ERCC6: variants seen among roughly 807,000 people sequenced by gnomAD.
ERCC6 encodes ERCC excision repair 6, chromatin remodeling factor.
ERCC6 carries 116 observed loss-of-function variants against 158.7 expected under a neutral mutation model. That is an observed-to-expected ratio of 0.73 (90% CI 0.63 to 0.85). The LOEUF is 0.85. Among genes scored for constraint, ERCC6 ranks in the 40% least tolerant of loss-of-function variants. The probability of loss-of-function intolerance (pLI) is 0.00; values close to 1 mark genes in which losing one functional copy is unlikely to be tolerated. For missense variants in ERCC6, 1,698 were observed against 1,799.4 expected, an observed-to-expected ratio of 0.94 and a Z score of 1.02; for synonymous variants, 678 against 659.3, an observed-to-expected ratio of 1.03 and a Z score of -0.43.
At chr10:49,478,559 A>G in intron 10 of ERCC6, 89 bp from the exon 11 acceptor site, 1 of 813,752 alleles carries the variant, frequency 1.2e-6, no homozygotes, top group South Asian at 1.4e-5. Context: ...TTCCTTAAAA[A>G]AAAAAAAAGA....
rs1850750362 is a variant in ERCC6, at chr10:49,470,302, T to C, written c.3658A>G (p.Thr1220Ala). 4 of 1,614,114 alleles carry C rather than the reference T, an allele frequency of 2.5e-6. No homozygotes were observed. Among genetic ancestry groups the C allele is most frequent in the Non-Finnish European group, 3.4e-6 (4 of 1,180,018 alleles). ...KHCRDAKFEG[T>A]RIPHLVKKRR... The stretch of plus-strand genomic sequence containing the variant: ...TTCTTCACCAGGTGTGGAATTCGAG[T>C]TCCTTCAAACTTGGCGTCTCTGCAA... The change falls in exon 18 of 21, where the codon ACT becomes GCT. Residue 1220 changes from threonine to alanine, a missense_variant. Physicochemically the swap from Thr to Ala is moderately conservative, Grantham distance 58 (BLOSUM62 0). Transcript: ENST00000355832.
chr10:49,462,039 G>C (rs1267500603), intron 18 of ERCC6, among the ~76,000 whole-genome samples: 1 of 152,116 alleles, frequency 6.6e-6, no homozygotes. Flanking sequence ...TATGAAGCTA[G>C]ACAAACTGAC....
At chr10:49,475,536 A>C (rs1850862265) in intron 12 of ERCC6, 1 of 383,110 alleles carries the variant, frequency 2.6e-6, no homozygotes, top group Non-Finnish European at 5.2e-6. Flanking sequence ...AAATTGTGAG[A>C]GATGGTTAAA....
intron 4 of ERCC6, among the ~76,000 whole-genome samples, chr10:49,526,102 T>C (rs1479259644): frequency 9.7e-6 from 1 of 102,794 alleles, no homozygotes; most frequent in Non-Finnish European, 1.9e-5. Flanking sequence ...TATATATTTA[T>C]ATATTTATAT....
Position 49,471,227 on chromosome 10 carries a change from G to A in ERCC6, c.2925-107C>T. The stretch of plus-strand genomic sequence containing the variant: ...AGATGATAACAGCTGCTGCATGAAT[G>A]GCTAAATAATCCCCCAAACTTTCAG... On this transcript the variant is annotated intron_variant, in intron 16 of 20. Transcript: ENST00000355832. 7 of 1,095,496 alleles carry A rather than the reference G, an allele frequency of 6.4e-6. No individual in the cohort carries two copies. In the South Asian group the frequency reaches 9.3e-5, roughly 15 times the overall value. 67.9% of individuals were successfully genotyped at this position (1,095,496 alleles called of 1,614,324 possible). A position where few individuals can be genotyped will look rare whatever the true frequency, so the allele number is the denominator to read the frequency against.
At chr10:49,534,901 C>T (rs940260704) in intron 1 of ERCC6, among the ~76,000 whole-genome samples, 1 of 152,212 alleles carries the variant, frequency 6.6e-6, no homozygotes, top group Non-Finnish European at 1.5e-5. Flanking sequence ...GCATCATCTA[C>T]ACCCGAGTGG....
chr10:49,488,481 T>C (rs1277992079), intron 8 of ERCC6: 1 of 152,142 alleles, frequency 6.6e-6, no homozygotes, highest in Non-Finnish European at 1.5e-5. Context: ...TTTTACAACA[T>C]ACCTCGCAGA....
the ERCC6 span, among the ~76,000 whole-genome samples, chr10:49,443,457 C>T: frequency 2.0e-5 from 3 of 152,168 alleles, no homozygotes; most frequent in Non-Finnish European, 4.4e-5. Context: ...AAAATTCTTA[C>T]CACCTAGTAC....
chr10:49,510,895 A>C (rs1851521812), intron 5 of ERCC6, among the ~76,000 whole-genome samples: 1 of 151,802 alleles, frequency 6.6e-6, no homozygotes, highest in Admixed American at 6.6e-5. Context: ...ATGACTTTAA[A>C]GCACTGCTCC....
In ERCC6 at chr10:49,518,141, G is replaced by A. The variant is rs116454828; in HGVS notation, c.1397+5892C>T. On this transcript the variant is annotated intron_variant, in intron 5 of 20. Transcript: ENST00000355832. ...CAGTGCAAACAGGTGCTAGACAGAA[G>A]GGAGAAGTTCCCAGAAGACAATAAA... Among the ~76,000 whole-genome samples, 744 of 152,358 alleles carry A rather than the reference G, an allele frequency of 4.9e-3. 6 individuals carry two copies. Among genetic ancestry groups the A allele is most frequent in the African/African-American group, 0.017 (717 of 41,592 alleles).
Position 49,530,849 on chromosome 10 carries a change from T to C in ERCC6, c.423-9A>G. On this transcript the variant is annotated splice_polypyrimidine_tract_variant and intron_variant, in intron 2 of 20. Transcript: ENST00000355832. Reference sequence around the variant, plus strand: ...GGGATGTCGTACATGACCTGAAAAATAAGATAAATTGTCTATTTTGCACTC... The same window carrying C: ...GGGATGTCGTACATGACCTGAAAAACAAGATAAATTGTCTATTTTGCACTC... The C allele has an allele frequency of 1.2e-6, 2 of 1,612,688 alleles. No individual in the cohort carries two copies. Among genetic ancestry groups the C allele is most frequent in the South Asian group, 2.2e-5 (2 of 90,970 alleles).
chr10:49,470,948 TTTAAA>T (rs749264257), intron 17 of ERCC6, 22 bp downstream of exon 17: 2 of 1,613,810 alleles, frequency 1.2e-6, no homozygotes, highest in Non-Finnish European at 1.7e-6. Flanking sequence ...AATTGATTAC[TTTAAA>T]TTAAATGATT....
In ERCC6 at chr10:49,507,450, A is replaced by T. The variant is rs190539745; in HGVS notation, c.1398-1438T>A. ...CAGTTTAATAAGTGATACTTTTTAT[A>T]AAAAAATTTAATGTCCTTTTTGTGC... is the stretch of plus-strand genomic sequence containing the variant. On this transcript the variant is annotated intron_variant, in intron 5 of 20. Coordinates refer to ENST00000355832, the MANE Select transcript of ERCC6 (RefSeq NM_000124.4). Among the ~76,000 whole-genome samples, 300 of 152,322 alleles carry T rather than the reference A, an allele frequency of 2.0e-3. 2 individuals are homozygous for T. The highest frequency in any genetic ancestry group is 3.6e-3 in the Non-Finnish European group (244 of 68,026).
At chr10:49,452,544 T>C (rs765247086), downstream of ERCC6, among the ~76,000 whole-genome samples, 2 of 152,138 alleles carry the variant, frequency 1.3e-5, no homozygotes, top group Admixed American at 1.3e-4. Context: ...TTTGATAATG[T>C]ATATGCTGTA....
At chr10:49,494,417 G>A (rs1187457882) in intron 7 of ERCC6, among the ~76,000 whole-genome samples, 1 of 152,122 alleles carries the variant, frequency 6.6e-6, no homozygotes, top group Non-Finnish European at 1.5e-5. Flanking sequence ...CTAGAAAAAT[G>A]TTCACCATAA....
At chr10:49,493,064 G>C (rs954262949) in intron 8 of ERCC6, 53 bp downstream of exon 8, 1 of 1,591,212 alleles carries the variant, frequency 6.3e-7, no homozygotes, top group Non-Finnish European at 8.6e-7. Context: ...AACCAAATAT[G>C]TAAAATGGAG....
chr10:49,462,358 C>A (rs1481418850), intron 18 of ERCC6, among the ~76,000 whole-genome samples: 2 of 152,146 alleles, frequency 1.3e-5, no homozygotes, highest in African/African-American at 4.8e-5. Context: ...ACACCTCATA[C>A]TCCAAATGGA....
Position 49,524,138 on chromosome 10 carries a change from C to T in ERCC6, c.1292G>A (p.Gly431Glu). ...EIDDDFFPSSGEEAEAASVGE... is the reference protein window; with the variant it reads ...EIDDDFFPSSEEEAEAASVGE... Reference sequence around the variant, plus strand: ...TACAGAAGCAGCTTCAGCTTCTTCCCCAGAACTTGGGAAAAAGTCATCATC... The same window carrying T: ...TACAGAAGCAGCTTCAGCTTCTTCCTCAGAACTTGGGAAAAAGTCATCATC... The change falls in exon 5 of 21, where the codon GGG (glycine) becomes GAG (glutamate). Residue 431 changes from glycine (G) to glutamate (E), a missense_variant. By Grantham distance (98) the Gly-to-Glu change is moderately conservative. Transcript: ENST00000355832. 6.2e-7 allele frequency: 1 copy of T among 1,614,072 alleles called. No individual in the cohort carries two copies. Among genetic ancestry groups the T allele is most frequent in the Non-Finnish European group, 8.5e-7 (1 of 1,180,034 alleles).
intron 5 of ERCC6, among the ~76,000 whole-genome samples, chr10:49,510,924 A>T (rs1341968838): frequency 6.6e-6 from 1 of 152,020 alleles, no homozygotes; most frequent in Non-Finnish European, 1.5e-5. Flanking sequence ...TCCACTGGAT[A>T]AAAATGGTTA....
Sources: gnomAD v4.1 joint callset for allele counts (sites outside exome capture counted in the v4.1 genomes callset) on GRCh38, gnomAD v4.1.1 for gene constraint, MANE v1.5 for transcripts, NCBI Gene and HGNC (gene_info 2026-07-23, HGNC 2026-07-21) for gene names.